The following PCSK5 variants were observed in gnomAD, a reference collection of about 807,000 sequenced individuals.
PCSK5 encodes prohormone convertase 5.
A neutral mutation model predicts 233.2 loss-of-function variants in PCSK5; 129 were observed. That is an observed-to-expected ratio of 0.55 (90% CI 0.48 to 0.64). The LOEUF is 0.64. Among genes scored for constraint, PCSK5 ranks in the 30% least tolerant of loss-of-function variants. The pLI is 0.00. For missense variants in PCSK5, 2,076 were observed against 2,430.1 expected, an observed-to-expected ratio of 0.85 and a Z score of 3.06; for synonymous variants, 825 against 879.2, an observed-to-expected ratio of 0.94 and a Z score of 1.09.
chr9:76,226,806 G>C (rs1206725921), intron 20 of PCSK5, among the ~76,000 whole-genome samples: 1 of 152,114 alleles, frequency 6.6e-6, no homozygotes, highest in Non-Finnish European at 1.5e-5. Flanking sequence ...CCATGAGATT[G>C]GCCTCCCTCT....
intron 1 of PCSK5, among the ~76,000 whole-genome samples, chr9:75,909,926 T>C (rs1822651186): frequency 6.6e-6 from 1 of 152,162 alleles, no homozygotes; most frequent in African/African-American, 2.4e-5. Flanking sequence ...TCGTGTCCCT[T>C]CATTTACAGC....
chr9:76,291,524 A>T (rs1828276955), intron 24 of PCSK5, among the ~76,000 whole-genome samples: 1 of 152,184 alleles, frequency 6.6e-6, no homozygotes, highest in Non-Finnish European at 1.5e-5. Context: ...AAGTCACCGA[A>T]TTCTCTTAAT....
At chr9:76,018,220 C>G (rs1486236761) in intron 3 of PCSK5, among the ~76,000 whole-genome samples, 1 of 152,134 alleles carries the variant, frequency 6.6e-6, no homozygotes, top group East Asian at 1.9e-4. Flanking sequence ...GATTGTTACA[C>G]ATTTAGAAAT....
chr9:76,007,011 C>A (rs1827506291), intron 3 of PCSK5, among the ~76,000 whole-genome samples: 1 of 152,068 alleles, frequency 6.6e-6, no homozygotes, highest in South Asian at 2.1e-4. Flanking sequence ...ATACTTTTGA[C>A]CTCTATGTTG....
chr9:76,302,040 C>A lies in PCSK5; in HGVS notation c.3524-97C>A, dbSNP rs377025842. 1.1e-4 allele frequency: 52 copies of A among 460,928 alleles called. 1 individual carries two copies. In the East Asian group the frequency reaches 1.5e-3, roughly 13 times the overall value. The allele number at this position is 460,928 out of a possible 1,614,324, so 28.6% of individuals were successfully genotyped here. A position where few individuals can be genotyped will look rare whatever the true frequency, so the allele number is the denominator to read the frequency against. On this transcript the variant is annotated intron_variant, in intron 27 of 37. Coordinates refer to ENST00000674117, the MANE Select transcript of PCSK5 (RefSeq NM_001372043.1). ...CATCCATGTACCACAGTATACACAG[C>A]AGACATTTCTGGGTGGTGGGTTTAT...
In PCSK5 at chr9:76,016,011, A is replaced by G. The variant is rs552109258; in HGVS notation, c.412-7727A>G. Among the ~76,000 whole-genome samples the G allele has an allele frequency of 6.6e-5, 10 of 152,316 alleles. No individual in the cohort carries two copies. In the South Asian group the frequency reaches 2.1e-3, roughly 32 times the overall value. ...TACCAAGATGGAACATATCTTCTTC[A>G]TCCCTGACTCGCCCTTTGGCTAGTC... On this transcript the variant is annotated intron_variant, in intron 3 of 37. Transcript: ENST00000674117.
At chr9:76,122,393 T>C (rs1326979053) in intron 9 of PCSK5, among the ~76,000 whole-genome samples, 2 of 152,224 alleles carry the variant, frequency 1.3e-5, no homozygotes, top group Non-Finnish European at 1.5e-5. Context: ...GAACACACTT[T>C]TGATAGACTG....
At chr9:76,007,796 T>TTGTGTGTGTGTGTGTGTGTGTG (rs59860078) in intron 3 of PCSK5, among the ~76,000 whole-genome samples, 5 of 128,224 alleles carry the variant, frequency 3.9e-5, no homozygotes, top group African/African-American at 5.9e-5. Flanking sequence ...CCGGCTAATT[T>TTGTGTGTGTGTGTGTGTGTGTG]TGTGTGTGTG....
intron 9 of PCSK5, among the ~76,000 whole-genome samples, chr9:76,115,783 T>A (rs1832400281): frequency 6.6e-6 from 1 of 152,138 alleles, no homozygotes; most frequent in East Asian, 1.9e-4. Context: ...TGTTTTTGTA[T>A]TTGAAAATTC....
chr9:75,947,066 GTTCCTGCAGT>G (rs1282543424), intron 2 of PCSK5, among the ~76,000 whole-genome samples: 1 of 152,184 alleles, frequency 6.6e-6, no homozygotes, highest in Non-Finnish European at 1.5e-5. Context: ...TTGCTTCTTT[GTTCCTGCAGT>G]ACGTGTTTCT....
intron 24 of PCSK5, among the ~76,000 whole-genome samples, chr9:76,260,066 T>A (rs1289962489): frequency 1.3e-5 from 2 of 152,228 alleles, no homozygotes; most frequent in Non-Finnish European, 2.9e-5. Flanking sequence ...GCTGCTAAAG[T>A]AAAATTTTAA....
chr9:76,290,500 T>C (rs1420465045), intron 24 of PCSK5, among the ~76,000 whole-genome samples: 3 of 152,242 alleles, frequency 2.0e-5, no homozygotes, highest in African/African-American at 7.2e-5. Context: ...AGAAGGGCCC[T>C]TCTATCTCTT....
intron 8 of PCSK5, among the ~76,000 whole-genome samples, chr9:76,097,023 C>A: frequency 6.6e-6 from 1 of 151,646 alleles, no homozygotes; most frequent in Non-Finnish European, 1.5e-5. Context: ...CCTCTGCCCC[C>A]CGGGTTCAAG....
chr9:76,042,209 G>A (rs900927998), intron 5 of PCSK5, among the ~76,000 whole-genome samples: 8 of 152,198 alleles, frequency 5.3e-5, no homozygotes, highest in Non-Finnish European at 1.0e-4. Flanking sequence ...AAATATTCAA[G>A]TTTTATGGAT....
At chr9:75,904,432 C>T (rs1161067732) in intron 1 of PCSK5, among the ~76,000 whole-genome samples, 1 of 152,134 alleles carries the variant, frequency 6.6e-6, no homozygotes, top group Non-Finnish European at 1.5e-5. Flanking sequence ...AATTCTCACT[C>T]TCAATAATAA....
rs1266767448 is a variant in PCSK5 at position 76,359,161 on chromosome 9, G to T, written c.*239G>T. On this transcript the variant is annotated 3_prime_UTR_variant, in exon 38 of 38. Transcript: ENST00000674117. ...TGAAGAGCAAGGATAAAATTCAGAGGCATTTTCCTCAAAATAATGTGTTAA... is the reference window on the plus strand; with the variant it reads ...TGAAGAGCAAGGATAAAATTCAGAGTCATTTTCCTCAAAATAATGTGTTAA... 2 of 502,962 alleles carry T rather than the reference G, an allele frequency of 4.0e-6. No homozygotes were observed. Among genetic ancestry groups the T allele is most frequent in the Admixed American group, 6.5e-5 (2 of 30,760 alleles). 31.2% of individuals were successfully genotyped at this position (502,962 alleles called of 1,614,324 possible).
chr9:76,194,551 C>T (rs1824591127), intron 20 of PCSK5: 1 of 220,168 alleles, frequency 4.5e-6, no homozygotes, highest in East Asian at 1.3e-4. Flanking sequence ...TATAACTATG[C>T]CATACTATTA....
chr9:76,149,041 T>G (rs935811177), intron 10 of PCSK5, among the ~76,000 whole-genome samples: 7 of 152,216 alleles, frequency 4.6e-5, no homozygotes, highest in Non-Finnish European at 1.0e-4. Context: ...GTCTTATTTC[T>G]TCTAAAAGAA....
chr9:76,194,659 A>G, intron 20 of PCSK5: 4 of 414,076 alleles, frequency 9.7e-6, no homozygotes, highest in Non-Finnish European at 2.0e-5. Context: ...TAAACACTTC[A>G]TCGAAACTAG....
Sources: allele counts gnomAD v4.1 joint callset (sites outside exome capture counted in the v4.1 genomes callset), GRCh38; gene constraint gnomAD v4.1.1; transcripts MANE v1.5; gene names NCBI Gene and HGNC (gene_info 2026-07-23, HGNC 2026-07-21).